GALNTL6: variants seen among roughly 807,000 people sequenced by gnomAD.
The protein encoded by GALNTL6 is polypeptide N-acetylgalactosaminyltransferase like 6, also known as polypeptide N-acetylgalactosaminyltransferase-like 6.
Under a neutral mutation model 73.7 loss-of-function variants are expected in GALNTL6, and 46 were observed. The observed-to-expected ratio is 0.62, with a 90% CI of 0.49 to 0.80. GALNTL6 has a LOEUF of 0.80. Ranked by LOEUF, GALNTL6 falls within the 30% of genes least tolerant of loss-of-function variation. GALNTL6 has a pLI of 0.00. For missense variants in GALNTL6, 604 were observed against 755.0 expected, an observed-to-expected ratio of 0.80 and a Z score of 2.34; for synonymous variants, 259 against 263.7, an observed-to-expected ratio of 0.98 and a Z score of 0.17.
chr4:172,190,596 A>G (rs897255942), intron 2 of GALNTL6, among the ~76,000 whole-genome samples: 8 of 152,172 alleles, frequency 5.3e-5, no homozygotes, highest in African/African-American at 9.7e-5. Context: ...GTACACAGGA[A>G]AAAATGGGAA....
At chr4:172,178,237 A>C (rs1333213925) in intron 2 of GALNTL6, among the ~76,000 whole-genome samples, 1 of 152,100 alleles carries the variant, frequency 6.6e-6, no homozygotes, top group Non-Finnish European at 1.5e-5. Context: ...CGCCTGACAA[A>C]TATATCATAA....
intron 2 of GALNTL6, among the ~76,000 whole-genome samples, chr4:172,227,307 A>G (rs1736899815): frequency 6.6e-6 from 1 of 152,200 alleles, no homozygotes. Flanking sequence ...AGATAACTTC[A>G]TTAACAATGT....
intron 10 of GALNTL6, among the ~76,000 whole-genome samples, chr4:172,999,912 G>C (rs1400941597): frequency 1.3e-5 from 2 of 151,910 alleles, no homozygotes; most frequent in Non-Finnish European, 2.9e-5. Flanking sequence ...AGAATTTACT[G>C]TCTAAAACAA....
At chr4:172,871,644 G>GTA (rs1744945942) in intron 7 of GALNTL6, among the ~76,000 whole-genome samples, 1 of 145,430 alleles carries the variant, frequency 6.9e-6, no homozygotes, top group African/African-American at 2.5e-5. Context: ...GTGTGTGTGT[G>GTA]TTATATTGTA....
At chr4:172,974,847 G>C (rs954167306) in intron 10 of GALNTL6, among the ~76,000 whole-genome samples, 1 of 152,222 alleles carries the variant, frequency 6.6e-6, no homozygotes, top group Non-Finnish European at 1.5e-5. Flanking sequence ...CTGGCTCCCT[G>C]CAAGGCTGCA....
chr4:172,492,610 G>T (rs377650089), intron 5 of GALNTL6, among the ~76,000 whole-genome samples: 1 of 152,062 alleles, frequency 6.6e-6, no homozygotes, highest in African/African-American at 2.4e-5. Context: ...TCAGAGTTTA[G>T]CATTTGAGGT....
chr4:173,006,831 TTTTG>T (rs752769375), intron 10 of GALNTL6, among the ~76,000 whole-genome samples: 3 of 152,176 alleles, frequency 2.0e-5, no homozygotes, highest in African/African-American at 4.8e-5. Flanking sequence ...CCACTTATAG[TTTTG>T]TTTGTTTGTT....
At chr4:172,133,324 C>T (rs1733551326) in intron 2 of GALNTL6, among the ~76,000 whole-genome samples, 2 of 152,076 alleles carry the variant, frequency 1.3e-5, no homozygotes, top group Admixed American at 1.3e-4. Context: ...TTAGTATAAA[C>T]CAATCTACAT....
At chr4:172,466,602 G>T (rs1353096165) in intron 5 of GALNTL6, among the ~76,000 whole-genome samples, 2 of 152,094 alleles carry the variant, frequency 1.3e-5, no homozygotes, top group Non-Finnish European at 2.9e-5. Flanking sequence ...TAAAAAACAC[G>T]CTATTAATAG....
At chr4:172,010,186 C>G (rs970821957) in intron 2 of GALNTL6, among the ~76,000 whole-genome samples, 1 of 152,018 alleles carries the variant, frequency 6.6e-6, no homozygotes, top group Non-Finnish European at 1.5e-5. Flanking sequence ...ATTACAAAAG[C>G]AGTCAGATAT....
At chr4:172,668,088 G>T (rs895539506) in intron 5 of GALNTL6, 2 of 152,060 alleles carry the variant, frequency 1.3e-5, no homozygotes, top group Non-Finnish European at 2.9e-5. Flanking sequence ...GTTTGAGAAG[G>T]TATATTTGTA....
chr4:172,390,563 A>C (rs1743628684), intron 5 of GALNTL6, among the ~76,000 whole-genome samples: 1 of 152,210 alleles, frequency 6.6e-6, no homozygotes, highest in African/African-American at 2.4e-5. Flanking sequence ...AGCATGTGCT[A>C]CTTGCCCAAT....
rs1314310980 is a variant in GALNTL6 at position 172,176,245 on chromosome 4, C to G, written c.139-53411C>G. Among the ~76,000 whole-genome samples the G allele has an allele frequency of 1.3e-4, 19 of 146,064 alleles. No individual in the cohort carries two copies. The East Asian group carries it at 4.1e-3, about 31-fold the overall frequency. ...GTCCCAGCTACTCAAAAGGCTGAGG[C>G]AGGAGAATGGCGTGAACCTGCGAGG... On this transcript the variant is annotated intron_variant, in intron 2 of 12. Transcript: ENST00000506823.
intron 2 of GALNTL6, among the ~76,000 whole-genome samples, chr4:172,007,284 G>T (rs1298733430): frequency 2.0e-5 from 3 of 151,974 alleles, no homozygotes; most frequent in African/African-American, 7.2e-5. Context: ...AATGTTTCAT[G>T]TGTTTTTGAA....
At chr4:172,028,451 T>C (rs1271511966) in intron 2 of GALNTL6, among the ~76,000 whole-genome samples, 1 of 152,088 alleles carries the variant, frequency 6.6e-6, no homozygotes, top group African/African-American at 2.4e-5. Context: ...ATTTAAACAA[T>C]TTTATACAAA....
At chr4:172,698,920 G>A (rs1733851817) in intron 5 of GALNTL6, among the ~76,000 whole-genome samples, 1 of 152,098 alleles carries the variant, frequency 6.6e-6, no homozygotes, top group African/African-American at 2.4e-5. Context: ...TGCAAGTTCT[G>A]TGTCTTGGTC....
chr4:171,900,026 T>C (rs532967711), intron 2 of GALNTL6, among the ~76,000 whole-genome samples: 1 of 152,296 alleles, frequency 6.6e-6, no homozygotes, highest in South Asian at 2.1e-4. Context: ...ATATATCAAA[T>C]ATTTATATGA....
intron 5 of GALNTL6, among the ~76,000 whole-genome samples, chr4:172,369,675 TG>T (rs1742712119): frequency 6.6e-6 from 1 of 152,168 alleles, no homozygotes; most frequent in South Asian, 2.1e-4. Context: ...CCGGCAGTGC[TG>T]GGTTACCTGG....
At chr4:172,614,873 T>A (rs1430832479) in intron 5 of GALNTL6, among the ~76,000 whole-genome samples, 1 of 152,128 alleles carries the variant, frequency 6.6e-6, no homozygotes, top group Non-Finnish European at 1.5e-5. Flanking sequence ...CTGGGATATG[T>A]TTGATTAATG....
Sources: allele counts gnomAD v4.1 joint callset (sites outside exome capture counted in the v4.1 genomes callset), GRCh38; gene constraint gnomAD v4.1.1; transcripts MANE v1.5; gene names NCBI Gene and HGNC (gene_info 2026-07-23, HGNC 2026-07-21).